MACROD2: variants seen among roughly 807,000 people sequenced by gnomAD.
MACROD2 encodes mono-ADP ribosylhydrolase 2.
In MACROD2, 36 loss-of-function variants were observed where a neutral mutation model predicts 70.4. The ratio of observed to expected loss-of-function variants is 0.51; its 90% CI spans 0.39 to 0.68. MACROD2 has a LOEUF of 0.68. MACROD2 is among the 30% of genes least tolerant of loss of function. The pLI is 0.00. For synonymous variants in MACROD2, 172 were observed against 178.8 expected, an observed-to-expected ratio of 0.96 and a Z score of 0.30; for missense variants, 496 against 538.4, an observed-to-expected ratio of 0.92 and a Z score of 0.78.
At chr20:14,832,031 C>G (rs1244897751) in intron 5 of MACROD2, among the ~76,000 whole-genome samples, 1 of 121,906 alleles carries the variant, frequency 8.2e-6, no homozygotes, top group Non-Finnish European at 1.7e-5. Context: ...CATGCCTTTG[C>G]GAGTTTTTTT....
intron 3 of MACROD2, among the ~76,000 whole-genome samples, chr20:14,122,102 A>G (rs1186216686): frequency 6.6e-6 from 1 of 152,192 alleles, no homozygotes; most frequent in Non-Finnish European, 1.5e-5. Flanking sequence ...TTGTTGGTGA[A>G]GGTTCTAAAC....
intron 3 of MACROD2, among the ~76,000 whole-genome samples, chr20:14,157,527 A>G (rs992168995): frequency 1.3e-5 from 2 of 152,056 alleles, no homozygotes; most frequent in African/African-American, 4.8e-5. Context: ...GTACCCATTA[A>G]CCAACCTCTC....
At chr20:15,863,239 T>G (rs1298066826) in intron 9 of MACROD2, among the ~76,000 whole-genome samples, 2 of 152,180 alleles carry the variant, frequency 1.3e-5, no homozygotes, top group African/African-American at 2.4e-5. Context: ...ATATTCATAG[T>G]CAGAATTCAA....
intron 4 of MACROD2, among the ~76,000 whole-genome samples, chr20:14,589,198 T>C (rs1231006345): frequency 6.6e-6 from 1 of 152,144 alleles, no homozygotes; most frequent in African/African-American, 2.4e-5. Context: ...TAAATCAACT[T>C]TGTATTAAGT....
chr20:14,693,108 G>A lies in MACROD2; in HGVS notation c.418+8149G>A, dbSNP rs6110391. Among the ~76,000 whole-genome samples the A allele has an allele frequency of 1.4e-3, 207 of 152,214 alleles. 1 individual carries two copies. The highest frequency in any genetic ancestry group is 4.6e-3 in the African/African-American group (192 of 41,532). On this transcript the variant is annotated intron_variant, in intron 5 of 17. Transcript: ENST00000684519. ...AAATAACAGTGTAAATCAATTCTAG[G>A]TAATAATGTAAATGGGCTCTTGAAG...
chr20:15,507,064 G>A (rs2047434562), intron 8 of MACROD2, among the ~76,000 whole-genome samples: 1 of 152,148 alleles, frequency 6.6e-6, no homozygotes, highest in Non-Finnish European at 1.5e-5. Context: ...CCTTTGAGTA[G>A]CCCAAATGTG....
At chr20:14,593,575 T>C (rs1363807739) in intron 4 of MACROD2, among the ~76,000 whole-genome samples, 1 of 152,150 alleles carries the variant, frequency 6.6e-6, no homozygotes, top group Middle Eastern at 3.2e-3. Context: ...TCCTTTTGGC[T>C]GACAGACAAA....
chr20:15,172,522 G>T (rs1019913125), intron 5 of MACROD2, among the ~76,000 whole-genome samples: 3 of 152,104 alleles, frequency 2.0e-5, no homozygotes, highest in African/African-American at 7.2e-5. Flanking sequence ...GAGTGGCTGG[G>T]ACTATTGGCG....
chr20:14,275,555 C>G (rs567067122), intron 3 of MACROD2, among the ~76,000 whole-genome samples: 1 of 151,642 alleles, frequency 6.6e-6, no homozygotes, highest in Admixed American at 6.6e-5. Context: ...CATTACCATT[C>G]AGGACATAGG....
chr20:15,517,393 T>G (rs1054710502), intron 8 of MACROD2, among the ~76,000 whole-genome samples: 1 of 152,190 alleles, frequency 6.6e-6, no homozygotes, highest in Non-Finnish European at 1.5e-5. Flanking sequence ...AGACCTGCCC[T>G]CCTTTCACTC....
chr20:14,617,855 T>C (rs1983569623), intron 4 of MACROD2, among the ~76,000 whole-genome samples: 1 of 152,134 alleles, frequency 6.6e-6, no homozygotes, highest in Admixed American at 6.6e-5. Context: ...AGGCGAAGCC[T>C]CGCAATCATG....
intron 3 of MACROD2, among the ~76,000 whole-genome samples, chr20:14,333,037 A>G (rs1352357517): frequency 2.6e-5 from 4 of 152,020 alleles, no homozygotes; most frequent in African/African-American, 9.7e-5. Flanking sequence ...TTCCATGATC[A>G]TCAGATTTCA....
In MACROD2 at chr20:14,852,231, A is replaced by G. The variant is rs142676183; in HGVS notation, c.418+167272A>G. On this transcript the variant is annotated intron_variant, in intron 5 of 17. Transcript: ENST00000684519. ...CATCTTGGACAGCGAGGTGGCCAAGAAACCAAGGTACAACAGTGCAGAAAA... is the reference window on the plus strand; with the variant it reads ...CATCTTGGACAGCGAGGTGGCCAAGGAACCAAGGTACAACAGTGCAGAAAA... 1.7e-3 allele frequency among the ~76,000 whole-genome samples: 256 copies of G among 152,240 alleles called. 1 individual carries two copies. Among genetic ancestry groups the G allele is most frequent in the African/African-American group, 5.9e-3 (245 of 41,550 alleles).
chr20:15,009,194 G>T (rs989199927), intron 5 of MACROD2, among the ~76,000 whole-genome samples: 3 of 152,146 alleles, frequency 2.0e-5, no homozygotes, highest in African/African-American at 7.2e-5. Flanking sequence ...GTCCACCCAG[G>T]TCTCTGGGGA....
chr20:14,792,159 C>T (rs989708836), intron 5 of MACROD2, among the ~76,000 whole-genome samples: 1 of 151,936 alleles, frequency 6.6e-6, no homozygotes, highest in Non-Finnish European at 1.5e-5. Flanking sequence ...TGTTTGTTAT[C>T]ATGGAATGGC....
intron 8 of MACROD2, among the ~76,000 whole-genome samples, chr20:15,843,239 T>C (rs1233011662): frequency 6.6e-6 from 1 of 152,206 alleles, no homozygotes; most frequent in Non-Finnish European, 1.5e-5. Context: ...CTATTCTTAT[T>C]AACTGACTGG....
intron 5 of MACROD2, among the ~76,000 whole-genome samples, chr20:14,902,593 G>A (rs1452915223): frequency 6.6e-6 from 1 of 152,118 alleles, no homozygotes; most frequent in Admixed American, 6.6e-5. Flanking sequence ...GGAAGTGAGA[G>A]CCAATTTGTG....
chr20:14,162,068 G>T (rs2055198628), intron 3 of MACROD2, among the ~76,000 whole-genome samples: 1 of 152,138 alleles, frequency 6.6e-6, no homozygotes, highest in South Asian at 2.1e-4. Context: ...CCATAGGTTT[G>T]ATTTGTTGTG....
At chr20:15,151,832 G>A (rs562946467) in intron 5 of MACROD2, among the ~76,000 whole-genome samples, 1 of 152,098 alleles carries the variant, frequency 6.6e-6, no homozygotes, top group East Asian at 1.9e-4. Flanking sequence ...GGTGTGAGGA[G>A]GGAAGGTGAT....
Sources: gnomAD v4.1 joint callset for allele counts (sites outside exome capture counted in the v4.1 genomes callset) on GRCh38, gnomAD v4.1.1 for gene constraint, MANE v1.5 for transcripts, NCBI Gene and HGNC (gene_info 2026-07-23, HGNC 2026-07-21) for gene names.